Variants in LMO7 observed in about 807,000 individuals in gnomAD.
The protein encoded by LMO7 is LIM domain only protein 7.
A neutral mutation model predicts 206.5 loss-of-function variants in LMO7; 120 were observed. The observed-to-expected ratio is 0.58, with a 90% CI of 0.50 to 0.68. The LOEUF is 0.68. Ranked by LOEUF, LMO7 falls within the 30% of genes least tolerant of loss-of-function variation. The pLI is 0.00. For missense variants in LMO7, 1,959 were observed against 1,957.9 expected (o/e 1.00, Z -0.01); for synonymous variants, 706 against 681.5 (o/e 1.04, Z -0.56).
intron 1 of LMO7, among the ~76,000 whole-genome samples, chr13:75,666,804 G>T (rs2139331005): frequency 6.6e-6 from 1 of 152,324 alleles, no homozygotes; most frequent in Middle Eastern, 3.4e-3. Context: ...GAGCTAATCA[G>T]TATTCTTAGA....
Position 75,648,553 on chromosome 13 carries a change from A to G in LMO7, c.69+11827A>G, listed in dbSNP as rs565673843. On this transcript the variant is annotated intron_variant, in intron 1 of 30. Transcript: ENST00000377534. ...CCTGTTGTGCTATTGGCTGTTCCAT[A>G]TATCTGCCTCCGTCTTACTCATTTT... 1.3e-3 allele frequency among the ~76,000 whole-genome samples: 203 copies of G among 152,266 alleles called. 2 individuals carry two copies. Among genetic ancestry groups the G allele is most frequent in the Non-Finnish European group, 1.8e-3 (121 of 68,016 alleles).
chr13:75,630,654 G>C (rs988287733), intron 2 of LMO7, among the ~76,000 whole-genome samples: 1 of 152,084 alleles, frequency 6.6e-6, no homozygotes, highest in Non-Finnish European at 1.5e-5. Context: ...GACAGAGTGA[G>C]ACCCTGTCTC....
intron 15 of LMO7, among the ~76,000 whole-genome samples, chr13:75,826,948 T>C (rs1190714252): frequency 6.6e-6 from 1 of 152,138 alleles, no homozygotes; most frequent in Non-Finnish European, 1.5e-5. Context: ...CATTTGAAGA[T>C]GCTTATTTCC....
chr13:75,656,307 G>A (rs191098233), intron 1 of LMO7, among the ~76,000 whole-genome samples: 2 of 152,262 alleles, frequency 1.3e-5, no homozygotes, highest in African/African-American at 4.8e-5. Context: ...TTGAAGTTGG[G>A]AGAGGAAAGA....
chr13:75,699,535 G>C (rs7336908), intron 1 of LMO7, among the ~76,000 whole-genome samples: 64,623 of 151,650 alleles, frequency 0.43, 14,173 homozygotes, highest in East Asian at 0.61. Flanking sequence ...CTGGGTCTCC[G>C]GGGGTGACAT....
At chr13:75,666,961 T>C (rs1422487099) in intron 1 of LMO7, among the ~76,000 whole-genome samples, 1 of 152,170 alleles carries the variant, frequency 6.6e-6, no homozygotes, top group African/African-American at 2.4e-5. Context: ...GTAGAATCAG[T>C]AGTCCTGGGA....
intron 1 of LMO7, among the ~76,000 whole-genome samples, chr13:75,653,471 C>T (rs2037768006): frequency 6.6e-6 from 1 of 152,176 alleles, no homozygotes; most frequent in Non-Finnish European, 1.5e-5. Flanking sequence ...AAGGGAGGTG[C>T]CAAACCATAC....
intron 1 of LMO7, among the ~76,000 whole-genome samples, chr13:75,683,466 T>C (rs1018623060): frequency 2.0e-5 from 3 of 152,244 alleles, no homozygotes; most frequent in Admixed American, 6.5e-5. Context: ...CCAGCACCAA[T>C]GATTATCATT....
Position 75,840,452 on chromosome 13 carries a change from A to G in LMO7, c.3539A>G (p.Lys1180Arg), listed in dbSNP as rs368837696. 1.2e-5 allele frequency: 20 copies of G among 1,614,000 alleles called. No homozygotes were observed. Among genetic ancestry groups the G allele is most frequent in the Non-Finnish European group, 1.7e-5 (20 of 1,179,972 alleles). The part of the protein sequence containing the change: ...RWVWDQEEER[K>R]RQERWQKEQD... Reference sequence around the variant, plus strand: ...GTGTGGGATCAAGAGGAGGAGCGGAAGCGGCAGGAGAGGTGGCAGAAGGAG... The same window carrying G: ...GTGTGGGATCAAGAGGAGGAGCGGAGGCGGCAGGAGAGGTGGCAGAAGGAG... The change falls in exon 22 of 31, where the codon AAG (lysine) becomes AGG (arginine). Residue 1180 changes from lysine (K) to arginine (R), a missense_variant. Coordinates refer to ENST00000377534, the MANE Select transcript of LMO7 (RefSeq NM_001306080.2).
intron 4 of LMO7, among the ~76,000 whole-genome samples, chr13:75,787,317 G>T (rs2052591913): frequency 6.6e-6 from 1 of 152,226 alleles, no homozygotes; most frequent in African/African-American, 2.4e-5. Context: ...GTCTCTGGTT[G>T]AGAGGGTTAG....
intron 25 of LMO7, among the ~76,000 whole-genome samples, chr13:75,845,013 G>C (rs2059875583): frequency 6.6e-6 from 1 of 152,114 alleles, no homozygotes; most frequent in Non-Finnish European, 1.5e-5. Flanking sequence ...GTAGGACTGA[G>C]ATCTGGACCA....
In LMO7 at chr13:75,727,017, A is replaced by G. The variant is rs1348793899; in HGVS notation, c.141-12A>G. On this transcript the variant is annotated splice_polypyrimidine_tract_variant and intron_variant, in intron 2 of 30. Transcript: ENST00000377534. ...CATCTTGTAATTGCATCTGTTATTT[A>G]TTTACTTTCAGTTTGATTAATAAGC... 3 of 1,479,194 alleles carry G rather than the reference A, an allele frequency of 2.0e-6. No homozygotes were observed. The highest frequency in any genetic ancestry group is 2.8e-6 in the Non-Finnish European group (3 of 1,059,298). 91.6% of individuals were successfully genotyped at this position (1,479,194 alleles called of 1,614,324 possible).
chr13:75,847,499 G>T (rs2060096154), intron 26 of LMO7, among the ~76,000 whole-genome samples: 1 of 152,194 alleles, frequency 6.6e-6, no homozygotes, highest in Non-Finnish European at 1.5e-5. Flanking sequence ...GATTGAGTGT[G>T]CTCTTACTCT....
chr13:75,825,097 A>G (rs2138573647), intron 15 of LMO7, among the ~76,000 whole-genome samples: 1 of 151,982 alleles, frequency 6.6e-6, no homozygotes, highest in East Asian at 1.9e-4. Context: ...TTTTTTTCCC[A>G]TGCATATTTA....
intron 4 of LMO7, among the ~76,000 whole-genome samples, chr13:75,772,157 T>G (rs1277759555): frequency 6.6e-6 from 1 of 152,124 alleles, no homozygotes; most frequent in Non-Finnish European, 1.5e-5. Context: ...TACCAAGCCT[T>G]TAGAAATAAT....
chr13:75,856,576 T>G lies in LMO7; in HGVS notation c.4841T>G (p.Leu1614Arg). The change falls in exon 30 of 31, where the codon CTG becomes CGG. Residue 1614 changes from leucine (L) to arginine (R), a missense_variant. Coordinates refer to ENST00000377534, the MANE Select transcript of LMO7 (RefSeq NM_001306080.2). ...GAEVRIRNHQLYCNDCYLRFK... is the reference protein window; with the variant it reads ...GAEVRIRNHQRYCNDCYLRFK... ...GAAGTCAGGATCAGAAACCACCAAC[T>G]GTACTGCAACGACTGCTATCTCAGA... 1.2e-6 allele frequency: 2 copies of G among 1,611,224 alleles called. No homozygotes were observed. The highest frequency in any genetic ancestry group is 1.7e-6 in the Non-Finnish European group (2 of 1,177,494).
At position 75,807,991 on chromosome 13, in the gene LMO7, A is replaced by G. The variant is rs1595168020; in HGVS notation, c.1708A>G (p.Lys570Glu). Residue 570 changes from lysine (K) to glutamate (E), a missense_variant, in exon 10 of 31, where the codon AAA becomes GAA. Transcript: ENST00000377534. ...TGAAAGGACATGCCCATCCAAAGAA[A>G]AAAGTAATAGCTGTAGAATATTAGT... ...VLERTCPSKE[K>E]SNSCRILVPS... The G allele has an allele frequency of 1.9e-6, 3 of 1,613,954 alleles. No individual in the cohort carries two copies. The highest frequency in any genetic ancestry group is 2.5e-6 in the Non-Finnish European group (3 of 1,179,884).
At position 75,626,277 on chromosome 13, in the gene LMO7, T is replaced by C. The variant is rs555889804; in HGVS notation, c.225+2957T>C. Reference sequence around the variant, plus strand: ...AGAAAAAGACGTTTAATGGGACTTATAGTTCCACATGGCTGGGGAGGTCTC... The same window carrying C: ...AGAAAAAGACGTTTAATGGGACTTACAGTTCCACATGGCTGGGGAGGTCTC... On this transcript the variant is annotated intron_variant, in intron 2 of 29. Coordinates refer to the LMO7 transcript ENST00000341547. Among the ~76,000 whole-genome samples, 228 of 152,138 alleles carry C rather than the reference T, an allele frequency of 1.5e-3. 1 individual carries two copies. Among genetic ancestry groups the C allele is most frequent in the African/African-American group, 5.2e-3 (216 of 41,492 alleles).
chr13:75,834,643 C>A (rs1459914619), intron 17 of LMO7, among the ~76,000 whole-genome samples: 1 of 152,044 alleles, frequency 6.6e-6, no homozygotes, highest in Non-Finnish European at 1.5e-5. Context: ...ATGCAAATAC[C>A]AACTGAAGAC....
Sources: allele counts gnomAD v4.1 joint callset (sites outside exome capture counted in the v4.1 genomes callset), GRCh38; gene constraint gnomAD v4.1.1; transcripts MANE v1.5; gene names NCBI Gene and HGNC (gene_info 2026-07-23, HGNC 2026-07-21).